Variants in ANKIB1 observed in about 807,000 individuals in gnomAD.
ANKIB1 encodes the protein ankyrin repeat and IBR domain containing 1.
ANKIB1 carries 43 observed loss-of-function variants against 122.1 expected under a neutral mutation model. The ratio of observed to expected loss-of-function variants is 0.35; its 90% confidence interval spans 0.28 to 0.45. The LOEUF is 0.45. Among genes scored for constraint, ANKIB1 ranks in the 20% least tolerant of loss-of-function variants. The pLI is 1.00. For synonymous variants in ANKIB1, 390 were observed against 442.0 expected (o/e 0.88, Z 1.48); for missense variants, 992 against 1,329.5 (o/e 0.75, Z 3.95).
At chr7:92,288,091 T>C (rs1802173446) in intron 1 of ANKIB1, among the ~76,000 whole-genome samples, 1 of 149,646 alleles carries the variant, frequency 6.7e-6, no homozygotes, top group Non-Finnish European at 1.5e-5. Context: ...AAATCTACTT[T>C]AGACAATCCC....
intron 1 of ANKIB1, among the ~76,000 whole-genome samples, chr7:92,288,300 T>G (rs1020759551): frequency 2.0e-5 from 3 of 152,242 alleles, no homozygotes; most frequent in Non-Finnish European, 4.4e-5. Flanking sequence ...GACAAATACG[T>G]GCACCATTTG....
intron 5 of ANKIB1, 91 bp from the exon 6 acceptor site, chr7:92,342,933 T>G: frequency 8.2e-7 from 1 of 1,223,784 alleles, no homozygotes; most frequent in Admixed American, 1.9e-5. Context: ...ATGACCAAAA[T>G]TTGTAATTCT....
chr7:92,371,549 C>T lies in ANKIB1; in HGVS notation c.1559C>T (p.Ala520Val). 1.2e-6 allele frequency: 2 copies of T among 1,605,328 alleles called. No homozygotes were observed. Among genetic ancestry groups the T allele is most frequent in the Non-Finnish European group, 8.5e-7 (1 of 1,175,508 alleles). The change falls in exon 11 of 20, where the codon GCC becomes GTC. Residue 520 changes from alanine (A) to valine (V), a missense_variant. Around this residue, in one of 4 missense-constraint regions of ANKIB1, gnomAD observed 521 missense variants for 777.7 expected, o/e 0.67. Transcript: ENST00000265742. The stretch of plus-strand genomic sequence containing the variant: ...TTATTAACTAACTCCAAGCCTTGTG[C>T]CAACTGTAAGTCTCCAATACAGAAG... ...LWLLTNSKPC[A>V]NCKSPIQKNE... is the part of the protein sequence containing the mutation.
Position 92,296,116 on chromosome 7 carries a change from C to G in ANKIB1, c.188+950C>G, listed in dbSNP as rs544579492. Among the ~76,000 whole-genome samples, 21 of 152,114 alleles carry G rather than the reference C, an allele frequency of 1.4e-4. No individual in the cohort carries two copies. The East Asian group carries it at 3.9e-3, about 28-fold the overall frequency. The stretch of plus-strand genomic sequence containing the variant: ...TGTTCCAATTAAGCTGCTTTTTTTG[C>G]TATCTCCAAAACATGCCGTGAGGTT... On this transcript the variant is annotated intron_variant, in intron 2 of 19. Coordinates refer to ENST00000265742, the MANE Select transcript of ANKIB1 (RefSeq NM_019004.2).
chr7:92,381,917 C>G (rs1015389415), intron 11 of ANKIB1, among the ~76,000 whole-genome samples: 4 of 152,042 alleles, frequency 2.6e-5, no homozygotes, highest in Non-Finnish European at 5.9e-5. Context: ...TAAATGGGCT[C>G]AATGCTCCAA....
Position 92,351,101 on chromosome 7 carries a change from T to G in ANKIB1, c.1230+7T>G, listed in dbSNP as rs751413116. ...CCTACAGTTTGATATTAAGGTAAGG[T>G]ATACTGCCAATTATCTGTCCAATTT... is the stretch of plus-strand genomic sequence containing the variant. On this transcript the variant is annotated splice_region_variant and intron_variant, in intron 8 of 19. Coordinates refer to ENST00000265742, the MANE Select transcript of ANKIB1 (RefSeq NM_019004.2). 4.6e-6 allele frequency: 7 copies of G among 1,521,754 alleles called. No homozygotes were observed. The South Asian group carries it at 7.9e-5, about 17-fold the overall frequency. 94.3% of individuals were successfully genotyped at this position (1,521,754 alleles called of 1,614,324 possible).
At chr7:92,339,208 A>AT (rs1462672596) in intron 5 of ANKIB1, among the ~76,000 whole-genome samples, 1 of 149,762 alleles carries the variant, frequency 6.7e-6, no homozygotes, top group Non-Finnish European at 1.5e-5. Flanking sequence ...CGCCTGGCTA[A>AT]TTTTTTTGTA....
In ANKIB1 at chr7:92,371,478, T is replaced by G; in HGVS notation, c.1488T>G (p.Leu496=). The change falls in exon 11 of 20, where the codon CTT becomes CTG. Residue 496 remains leucine (L), a splice_region_variant and synonymous_variant. Transcript: ENST00000265742. ...QKITEMKPEE[L]VGVSEAYEDA... The stretch of plus-strand genomic sequence containing the variant: ...GTGATTGTGTTTAATATCCCAAAGT[T>G]GTGGGAGTTAGTGAAGCCTACGAGG... 6.2e-7 allele frequency: 1 copy of G among 1,604,402 alleles called. No homozygotes were observed.
intron 3 of ANKIB1, among the ~76,000 whole-genome samples, chr7:92,310,340 A>G (rs1802666328): frequency 6.6e-6 from 1 of 152,138 alleles, no homozygotes; most frequent in Non-Finnish European, 1.5e-5. Flanking sequence ...AGCCCTATAA[A>G]TACCTTACAT....
chr7:92,292,415 A>G lies in ANKIB1; in HGVS notation c.-90-2474A>G, dbSNP rs138287648. ...TGTTGCTTTAAATGAGTACTCCATG[A>G]TAACATTACTTTCTTAGATATTTCT... On this transcript the variant is annotated intron_variant, in intron 1 of 19. Coordinates refer to ENST00000265742, the MANE Select transcript of ANKIB1 (RefSeq NM_019004.2). Among the ~76,000 whole-genome samples, 445 of 152,336 alleles carry G rather than the reference A, an allele frequency of 2.9e-3. 3 individuals carry two copies. Among genetic ancestry groups the G allele is most frequent in the African/African-American group, 0.01 (416 of 41,586 alleles).
chr7:92,356,761 A>T (rs891415829), intron 9 of ANKIB1, among the ~76,000 whole-genome samples: 4 of 152,244 alleles, frequency 2.6e-5, no homozygotes, highest in Admixed American at 2.6e-4. Context: ...ATTTTAGCTT[A>T]TCCACTCTTT....
At chr7:92,258,094 TC>T (rs1361528608) in intron 1 of ANKIB1, among the ~76,000 whole-genome samples, 7 of 152,320 alleles carry the variant, frequency 4.6e-5, no homozygotes, top group Non-Finnish European at 8.8e-5. Flanking sequence ...ACATTACTTT[TC>T]TTATAAAATA....
chr7:92,391,941 C>A (rs544756045), intron 16 of ANKIB1, among the ~76,000 whole-genome samples: 1 of 152,046 alleles, frequency 6.6e-6, no homozygotes, highest in African/African-American at 2.4e-5. Flanking sequence ...TTCCTTTGAT[C>A]CTATTTTTAC....
At chr7:92,319,795 A>C (rs759092789) in intron 4 of ANKIB1, 2 of 310,724 alleles carry the variant, frequency 6.4e-6, no homozygotes, top group Non-Finnish European at 1.2e-5. Context: ...ATTTGCCAGG[A>C]ATGGTGGCCC....
chr7:92,324,514 G>T (rs1269554248), intron 4 of ANKIB1, among the ~76,000 whole-genome samples: 1 of 152,160 alleles, frequency 6.6e-6, no homozygotes, highest in African/African-American at 2.4e-5. Context: ...GATTACAGGC[G>T]TGAGCCACCA....
intron 1 of ANKIB1, among the ~76,000 whole-genome samples, chr7:92,250,948 T>G (rs1801317336): frequency 6.6e-6 from 1 of 152,228 alleles, no homozygotes; most frequent in South Asian, 2.1e-4. Context: ...TTTTTACTAC[T>G]GGTTATACAC....
At chr7:92,396,011 C>T in intron 17 of ANKIB1, 2 of 217,922 alleles carry the variant, frequency 9.2e-6, no homozygotes, top group Non-Finnish European at 1.8e-5. Context: ...AAATAAAAAA[C>T]CTCCCTTCAA....
intron 1 of ANKIB1, among the ~76,000 whole-genome samples, chr7:92,285,931 T>G (rs892899894): frequency 2.6e-5 from 4 of 152,234 alleles, no homozygotes; most frequent in African/African-American, 9.6e-5. Flanking sequence ...AACACTTTGA[T>G]GATTTAGCCT....
chr7:92,394,192 T>G (rs1804840984), intron 17 of ANKIB1, among the ~76,000 whole-genome samples: 1 of 152,196 alleles, frequency 6.6e-6, no homozygotes, highest in African/African-American at 2.4e-5. Context: ...TCTAGAAGGA[T>G]TAAAGCATCT....
Sources: allele counts gnomAD v4.1 joint callset (sites outside exome capture counted in the v4.1 genomes callset), GRCh38; gene constraint gnomAD v4.1.1; regional missense constraint gnomAD v4.1.1; transcripts MANE v1.5; gene names NCBI Gene and HGNC (gene_info 2026-07-23, HGNC 2026-07-21).